ARHGAP44: variants seen among roughly 807,000 people sequenced by gnomAD.
ARHGAP44 encodes Rho GTPase activating protein 44.
ARHGAP44 carries 43 observed loss-of-function variants against 106.8 expected under a neutral mutation model. The observed-to-expected ratio is 0.40, with a 90% CI of 0.32 to 0.52. The LOEUF (loss-of-function observed/expected upper bound fraction) is 0.52, where lower values mean the gene tolerates loss of function less well. Among genes scored for constraint, ARHGAP44 ranks in the 20% least tolerant of loss-of-function variants. The pLI, the probability that ARHGAP44 is intolerant of heterozygous loss-of-function variation, is 0.48. For missense variants in ARHGAP44, 866 were observed against 1,050.5 expected, an observed-to-expected ratio of 0.82 and a Z score of 2.43; for synonymous variants, 439 against 410.3, an observed-to-expected ratio of 1.07 and a Z score of -0.85.
At chr17:12,948,821 T>G (rs980964547) in intron 10 of ARHGAP44, among the ~76,000 whole-genome samples, 3 of 151,186 alleles carry the variant, frequency 2.0e-5, no homozygotes, top group African/African-American at 7.3e-5. Flanking sequence ...CTCCAAGATT[T>G]ATCTTACACG....
At chr17:12,956,554 T>A in intron 14 of ARHGAP44, 101 bp from the exon 15 acceptor site, 1 of 953,958 alleles carries the variant, frequency 1.0e-6, no homozygotes, top group Non-Finnish European at 1.7e-6. Context: ...GGGGTTCCAG[T>A]CCAGGGCCCC....
intron 5 of ARHGAP44, among the ~76,000 whole-genome samples, chr17:12,919,172 A>T (rs1316181407): frequency 6.6e-6 from 1 of 152,150 alleles, no homozygotes; most frequent in African/African-American, 2.4e-5. Context: ...AAACTATGGG[A>T]TGTGATGGAT....
rs138658785 is a variant in ARHGAP44 at position 12,871,345 on chromosome 17, A to G, written c.54-23595A>G. The stretch of plus-strand genomic sequence containing the variant: ...TCCCCCTTGGTACTTGTATTAGTCC[A>G]TTCTCGCACTGCTGTAAAGAACTAC... On this transcript the variant is annotated intron_variant, in intron 1 of 20. Coordinates refer to ENST00000379672, the MANE Select transcript of ARHGAP44 (RefSeq NM_014859.6). Among the ~76,000 whole-genome samples the G allele has an allele frequency of 2.1e-3, 322 of 152,308 alleles. 1 individual carries two copies. Among genetic ancestry groups the G allele is most frequent in the African/African-American group, 7.3e-3 (304 of 41,570 alleles).
intron 4 of ARHGAP44, among the ~76,000 whole-genome samples, chr17:12,909,591 CAAAT>C (rs2037663816): frequency 6.6e-6 from 1 of 151,968 alleles, no homozygotes; most frequent in South Asian, 2.1e-4. Flanking sequence ...AGATTATACA[CAAAT>C]AAATAATTGC....
intron 6 of ARHGAP44, among the ~76,000 whole-genome samples, chr17:12,928,521 G>T (rs763120107): frequency 6.6e-6 from 1 of 152,174 alleles, no homozygotes; most frequent in African/African-American, 2.4e-5. Context: ...TACTGTGTGT[G>T]TGTGTACATG....
intron 16 of ARHGAP44, among the ~76,000 whole-genome samples, chr17:12,972,438 A>T (rs2039549795): frequency 2.0e-5 from 3 of 151,968 alleles, no homozygotes; most frequent in Admixed American, 2.0e-4. Flanking sequence ...ACCTGAGGTC[A>T]GGAGTTTGAG....
chr17:12,911,879 G>A (rs2037747995), intron 4 of ARHGAP44, among the ~76,000 whole-genome samples: 1 of 152,200 alleles, frequency 6.6e-6, no homozygotes, highest in African/African-American at 2.4e-5. Flanking sequence ...GAAATTAGAA[G>A]AGGTTTCTCA....
intron 1 of ARHGAP44, among the ~76,000 whole-genome samples, chr17:12,796,394 A>G (rs1394572555): frequency 6.6e-6 from 1 of 152,166 alleles, no homozygotes. Flanking sequence ...TAGAAATGTA[A>G]TTGCTGGGTC....
At chr17:12,866,582 C>T (rs570455922) in intron 1 of ARHGAP44, among the ~76,000 whole-genome samples, 89 of 152,170 alleles carry the variant, frequency 5.8e-4, no homozygotes, top group Non-Finnish European at 1.2e-3. Flanking sequence ...CAAAAGATTA[C>T]CAAGAGAGAA....
chr17:12,926,598 A>G (rs931997518), intron 6 of ARHGAP44, among the ~76,000 whole-genome samples: 1 of 149,312 alleles, frequency 6.7e-6, no homozygotes, highest in African/African-American at 2.4e-5. Flanking sequence ...GGGGAAATGT[A>G]TATGTTTTTA....
chr17:12,891,416 A>G (rs192095308), intron 1 of ARHGAP44, among the ~76,000 whole-genome samples: 1 of 152,342 alleles, frequency 6.6e-6, no homozygotes, highest in East Asian at 1.9e-4. Flanking sequence ...CCTTCTTGCT[A>G]CATTGTAACA....
Position 12,990,288 on chromosome 17 carries a change from C to G in ARHGAP44, c.*117C>G. Reference sequence around the variant, plus strand: ...TCTGCTGGCTCTTTCCTGCCACTGCCAACACGAGGTTGGAATTTGGCAGAA... The same window carrying G: ...TCTGCTGGCTCTTTCCTGCCACTGCGAACACGAGGTTGGAATTTGGCAGAA... On this transcript the variant is annotated 3_prime_UTR_variant, in exon 21 of 21. Transcript: ENST00000379672. 1.5e-6 allele frequency: 2 copies of G among 1,350,858 alleles called. No homozygotes were observed. Among genetic ancestry groups the G allele is most frequent in the South Asian group, 3.0e-5 (2 of 66,850 alleles). The allele number at this position is 1,350,858 out of a possible 1,614,324, so 83.7% of individuals were successfully genotyped here.
At chr17:12,966,908 A>G (rs11078102) in intron 16 of ARHGAP44, among the ~76,000 whole-genome samples, 1 of 152,132 alleles carries the variant, frequency 6.6e-6, no homozygotes, top group Admixed American at 6.5e-5. Context: ...TGCTAACCCC[A>G]GACAACTCAG....
intron 1 of ARHGAP44, among the ~76,000 whole-genome samples, chr17:12,856,552 A>G (rs2035917794): frequency 6.6e-6 from 1 of 152,142 alleles, no homozygotes; most frequent in Non-Finnish European, 1.5e-5. Context: ...TGTCCTCACT[A>G]TCTTTCCCCA....
At chr17:12,965,782 C>T (rs540744981) in intron 16 of ARHGAP44, among the ~76,000 whole-genome samples, 1 of 152,280 alleles carries the variant, frequency 6.6e-6, no homozygotes, top group South Asian at 2.1e-4. Context: ...TGAACCAGTG[C>T]CCCAAGGGAC....
intron 3 of ARHGAP44, among the ~76,000 whole-genome samples, chr17:12,899,008 G>A (rs1008255096): frequency 1.3e-5 from 2 of 151,962 alleles, no homozygotes; most frequent in African/African-American, 2.4e-5. Context: ...GTCTCACTCT[G>A]TCACCAGGCT....
At chr17:12,869,968 TACAA>T (rs1005062582) in intron 1 of ARHGAP44, among the ~76,000 whole-genome samples, 21 of 151,676 alleles carry the variant, frequency 1.4e-4, no homozygotes, top group African/African-American at 4.8e-4. Context: ...AAAGATGAAG[TACAA>T]ACATAGACCT....
At chr17:12,901,507 T>A (rs1011765057) in intron 3 of ARHGAP44, among the ~76,000 whole-genome samples, 4 of 152,102 alleles carry the variant, frequency 2.6e-5, no homozygotes, top group African/African-American at 9.7e-5. Context: ...TTCAGTGAGA[T>A]GCAACGAGGA....
At chr17:12,851,668 C>G (rs1055247744) in intron 1 of ARHGAP44, among the ~76,000 whole-genome samples, 4 of 152,094 alleles carry the variant, frequency 2.6e-5, no homozygotes, top group African/African-American at 9.7e-5. Flanking sequence ...CTCCTGACCT[C>G]AGGTGATCCA....
Sources: gnomAD v4.1 joint callset for allele counts (sites outside exome capture counted in the v4.1 genomes callset) on GRCh38, gnomAD v4.1.1 for gene constraint, MANE v1.5 for transcripts, NCBI Gene and HGNC (gene_info 2026-07-23, HGNC 2026-07-21) for gene names.